DNAH14: variants seen among roughly 807,000 people sequenced by gnomAD.
DNAH14 encodes dynein axonemal heavy chain 14.
A neutral mutation model predicts 520.9 loss-of-function variants in DNAH14; 478 were observed. The ratio of observed to expected loss-of-function variants is 0.92; its 90% CI spans 0.85 to 0.99. The LOEUF is 0.99. Among genes scored for constraint, DNAH14 ranks in the 50% least tolerant of loss-of-function variants. DNAH14 has a pLI of 0.00. For synonymous variants in DNAH14, 1,581 were observed against 1,757.2 expected (o/e 0.90, Z 2.51); for missense variants, 4,831 against 5,234.5 (o/e 0.92, Z 2.38).
intron 64 of DNAH14, among the ~76,000 whole-genome samples, chr1:225,329,963 C>G (rs2094758531): frequency 6.6e-6 from 1 of 152,026 alleles, no homozygotes; most frequent in Non-Finnish European, 1.5e-5. Flanking sequence ...AGAAAAAAAT[C>G]TAATAATCCA....
At chr1:225,335,149 A>ACATGTGTG (rs371353636) in intron 66 of DNAH14, among the ~76,000 whole-genome samples, 33,268 of 142,484 alleles carry the variant, frequency 0.23, 4,125 homozygotes, top group East Asian at 0.33. Flanking sequence ...GCACATGTGT[A>ACATGTGTG]CATGTGTGCA....
At chr1:225,276,388 A>T (rs2093469302) in intron 53 of DNAH14, among the ~76,000 whole-genome samples, 1 of 152,192 alleles carries the variant, frequency 6.6e-6, no homozygotes, top group East Asian at 1.9e-4. Flanking sequence ...TTGAATGAAT[A>T]GAGTTCATGA....
rs755243491 is a variant in DNAH14 at position 225,042,923 on chromosome 1, A to C, written c.1577A>C (p.Glu526Ala). The C allele has an allele frequency of 1.4e-4, 213 of 1,551,620 alleles. 1 individual carries two copies. The highest frequency in any genetic ancestry group is 1.8e-4 in the Non-Finnish European group (207 of 1,146,970). Residue 526 changes from glutamate to alanine, a missense_variant, in exon 13 of 86, where the codon GAG becomes GCG. Glu to Ala is a moderately radical substitution (Grantham distance 107, BLOSUM62 -1). Transcript: ENST00000682510. ...EVNLCLRIPA[E>A]SDSSENSKEN... ...AATCTATGCTTGAGAATTCCTGCTG[A>C]GAGTGATTCTTCAGAAAATTCTAAA...
chr1:225,297,128 T>C (rs2094026842), intron 55 of DNAH14, among the ~76,000 whole-genome samples: 1 of 152,088 alleles, frequency 6.6e-6, no homozygotes, highest in Non-Finnish European at 1.5e-5. Context: ...AGAAATTCTT[T>C]CTTCTGCTTG....
chr1:225,243,237 A>T (rs1189954088), intron 43 of DNAH14, among the ~76,000 whole-genome samples: 1 of 152,194 alleles, frequency 6.6e-6, no homozygotes, highest in Non-Finnish European at 1.5e-5. Flanking sequence ...TGCTTATCTT[A>T]AAACAATGAA....
intron 37 of DNAH14, among the ~76,000 whole-genome samples, chr1:225,185,946 G>GTTTTTTTTTTTTTT (rs11443248): frequency 1.0e-5 from 1 of 98,784 alleles, no homozygotes; most frequent in Non-Finnish European, 1.9e-5. Context: ...ATTACACTTT[G>GTTTTTTTTTTTTTT]TTTTTTTTTT....
Position 225,051,574 on chromosome 1 carries a change from A to G in DNAH14, c.2203A>G (p.Met735Val), listed in dbSNP as rs964043787. 5.8e-6 allele frequency: 9 copies of G among 1,550,848 alleles called. No individual in the cohort carries two copies. The highest frequency in any genetic ancestry group is 2.0e-5 in the Admixed American group (1 of 50,980). The change falls in exon 17 of 86, where the codon ATG becomes GTG. Residue 735 changes from methionine (M) to valine (V), a missense_variant. Physicochemically the swap from Met to Val is conservative, Grantham distance 21. Transcript: ENST00000682510. ...AATCATGAGTATGAAAATATCATCTATGGGAGAATTAACTTCAAAAGAATT... is the reference window on the plus strand; with the variant it reads ...AATCATGAGTATGAAAATATCATCTGTGGGAGAATTAACTTCAAAAGAATT... ...AKIMSMKISSMGELTSKEFEA... is the reference protein window; with the variant it reads ...AKIMSMKISSVGELTSKEFEA...
Position 225,307,524 on chromosome 1 carries a change from A to G in DNAH14, c.9069A>G (p.Gln3023=), listed in dbSNP as rs1458540376. 2 of 1,547,720 alleles carry G rather than the reference A, an allele frequency of 1.3e-6. No individual in the cohort carries two copies. Among genetic ancestry groups the G allele is most frequent in the Non-Finnish European group, 8.7e-7 (1 of 1,145,880 alleles). Residue 3023 remains glutamine, a synonymous_variant, in exon 59 of 86, where the codon CAA becomes CAG. Transcript: ENST00000682510. ...LEATTLVTEM[Q]EELLILGPQV... is the part of the protein sequence containing the mutation. ...CAACCACTCTAGTTACAGAAATGCA[A>G]GAAGAGCTCTTGATTCTTGGCCCTC...
chr1:225,360,703 C>T lies in DNAH14; in HGVS notation c.11799C>T (p.Leu3933=), dbSNP rs779832271. 12 of 1,551,590 alleles carry T rather than the reference C, an allele frequency of 7.7e-6. No homozygotes were observed. The highest frequency in any genetic ancestry group is 7.0e-6 in the Non-Finnish European group (8 of 1,147,000). ...CAGGGATCGACCTTACCAATATCCTCCTGAGATTTGCACAAGAGTTAAAAG... is the reference window on the plus strand; with the variant it reads ...CAGGGATCGACCTTACCAATATCCTTCTGAGATTTGCACAAGAGTTAAAAG... ...QTHGIDLTNI[L]LRFAQELKGT... The change falls in exon 75 of 86, where the codon CTC becomes CTT. Residue 3933 remains leucine, a synonymous_variant. Transcript: ENST00000682510.
chr1:225,098,466 A>G (rs892982289), intron 22 of DNAH14, among the ~76,000 whole-genome samples: 4 of 152,228 alleles, frequency 2.6e-5, no homozygotes, highest in African/African-American at 9.6e-5. Flanking sequence ...TGTGTATTTG[A>G]AAGGCCTATT....
At chr1:225,043,184 C>T in intron 13 of DNAH14, 70 bp downstream of exon 13, 1 of 1,388,762 alleles carries the variant, frequency 7.2e-7, no homozygotes, top group Non-Finnish European at 9.5e-7. Flanking sequence ...AATCCTGGCA[C>T]TCTGGGAGGC....
intron 36 of DNAH14, among the ~76,000 whole-genome samples, chr1:225,182,577 G>A (rs2084168004): frequency 6.6e-6 from 1 of 152,128 alleles, no homozygotes; most frequent in Non-Finnish European, 1.5e-5. Context: ...ATTGAAAAAA[G>A]TAGAAAGAAC....
intron 8 of DNAH14, among the ~76,000 whole-genome samples, chr1:224,975,799 A>G (rs10915752): frequency 0.25 from 37,568 of 148,428 alleles, 7,553 homozygotes; most frequent in African/African-American, 0.55. Context: ...TGCTTTTCTA[A>G]TTCTTTTAAT....
chr1:225,316,400 G>GA (rs958845223), intron 60 of DNAH14, among the ~76,000 whole-genome samples: 4 of 152,064 alleles, frequency 2.6e-5, no homozygotes, highest in Non-Finnish European at 4.4e-5. Flanking sequence ...ACTGGGGTAT[G>GA]AAAAAAAACT....
At chr1:225,209,888 G>A (rs748450943) in intron 41 of DNAH14, among the ~76,000 whole-genome samples, 19 of 152,112 alleles carry the variant, frequency 1.2e-4, no homozygotes, top group Non-Finnish European at 2.5e-4. Flanking sequence ...CACAAGGGAA[G>A]TACAATGGGT....
chr1:224,988,306 G>A (rs1306283182), intron 8 of DNAH14, among the ~76,000 whole-genome samples: 1 of 152,170 alleles, frequency 6.6e-6, no homozygotes, highest in African/African-American at 2.4e-5. Flanking sequence ...TATCATTAAG[G>A]GACATTTGGG....
At chr1:225,137,061 A>G (rs1306930626) in intron 27 of DNAH14, among the ~76,000 whole-genome samples, 1 of 152,050 alleles carries the variant, frequency 6.6e-6, no homozygotes, top group African/African-American at 2.4e-5. Flanking sequence ...TTGTGTTGTT[A>G]TGATTCTTAG....
intron 77 of DNAH14, among the ~76,000 whole-genome samples, chr1:225,373,334 G>A (rs1469303075): frequency 6.6e-6 from 1 of 152,112 alleles, no homozygotes; most frequent in African/African-American, 2.4e-5. Context: ...GCGTGGTGGT[G>A]CGCGCCTGTA....
chr1:225,117,828 G>A lies in DNAH14; in HGVS notation c.3972+40G>A, dbSNP rs899547038. The stretch of plus-strand genomic sequence containing the variant: ...CTCTGCTCAGCAATATTATATTAGC[G>A]ATATTCAGATCACAATTCAATAATA... On this transcript the variant is annotated intron_variant, in intron 24 of 85. Coordinates refer to ENST00000682510, the MANE Select transcript of DNAH14 (RefSeq NM_001367479.1). 45 of 1,516,890 alleles carry A rather than the reference G, an allele frequency of 3.0e-5. No homozygotes were observed. In the African/African-American group the frequency reaches 4.9e-4, roughly 16 times the overall value. 94.0% of individuals were successfully genotyped at this position (1,516,890 alleles called of 1,614,324 possible).
Sources: gnomAD v4.1 joint callset for allele counts (sites outside exome capture counted in the v4.1 genomes callset) on GRCh38, gnomAD v4.1.1 for gene constraint, MANE v1.5 for transcripts, NCBI Gene and HGNC (gene_info 2026-07-23, HGNC 2026-07-21) for gene names.